Variants in ANK2 observed in about 807,000 individuals in gnomAD.
The protein encoded by ANK2 is ankyrin 2, also known as ankyrin-2.
In ANK2, 83 loss-of-function variants were observed where a neutral mutation model predicts 360.5. The observed-to-expected ratio is 0.23, with a 90% CI of 0.19 to 0.28. The LOEUF is 0.28. Ranked by LOEUF, ANK2 falls within the 10% of genes least tolerant of loss-of-function variation. The pLI is 1.00. For synonymous variants in ANK2, 1,740 were observed against 1,759.5 expected, an observed-to-expected ratio of 0.99 and a Z score of 0.28; for missense variants, 4,201 against 4,795.7, an observed-to-expected ratio of 0.88 and a Z score of 3.66.
At chr4:112,964,543 GTA>G (rs1436789324) in intron 2 of ANK2, among the ~76,000 whole-genome samples, 1 of 149,054 alleles carries the variant, frequency 6.7e-6, no homozygotes, top group Non-Finnish European at 1.5e-5. Context: ...ACTCCTTTTT[GTA>G]TATGTACCAC....
At chr4:112,816,964 T>C (rs1365604869), upstream of ANK2, among the ~76,000 whole-genome samples, 1 of 152,184 alleles carries the variant, frequency 6.6e-6, no homozygotes, top group Non-Finnish European at 1.5e-5. Context: ...TGAGCCAAGA[T>C]TGTGCCACTG....
At chr4:112,755,803 CTT>C in the ANK2 span, 26 of 156,126 alleles carry the variant, frequency 1.7e-4, no homozygotes, top group East Asian at 5.1e-4. Context: ...TAAATGTTTT[CTT>C]TTTTTTTTTC....
At chr4:113,124,014 A>G (rs888654479) in intron 1 of ANK2, among the ~76,000 whole-genome samples, 3 of 152,192 alleles carry the variant, frequency 2.0e-5, no homozygotes, top group Non-Finnish European at 4.4e-5. Context: ...GCAAGACTTC[A>G]TGATCTGCAG....
intron 2 of ANK2, among the ~76,000 whole-genome samples, chr4:113,044,106 T>A (rs2063657614): frequency 6.6e-6 from 1 of 152,176 alleles, no homozygotes; most frequent in Non-Finnish European, 1.5e-5. Flanking sequence ...AATATAACTA[T>A]GTATTCCCTT....
At chr4:112,990,055 G>A (rs1268826516) in intron 2 of ANK2, among the ~76,000 whole-genome samples, 2 of 152,120 alleles carry the variant, frequency 1.3e-5, no homozygotes, top group Admixed American at 1.3e-4. Flanking sequence ...AAGATTGATT[G>A]AGGCCAGGAG....
At chr4:113,370,654 G>A (rs147883332) in intron 43 of ANK2, among the ~76,000 whole-genome samples, 62 of 152,236 alleles carry the variant, frequency 4.1e-4, no homozygotes, top group South Asian at 2.9e-3. Context: ...CAGCTACTCC[G>A]GAGGCTGAGG....
the ANK2 span, among the ~76,000 whole-genome samples, chr4:112,770,328 G>C: frequency 1.3e-5 from 2 of 152,210 alleles, no homozygotes; most frequent in Non-Finnish European, 2.9e-5. Context: ...AATGTGGACA[G>C]GCGTGAGCCA....
chr4:112,951,043 C>A lies in ANK2; in HGVS notation c.21+46529C>A, dbSNP rs2094937374. ...CTTGCAGTGAGCCGAGATCCCGCCA[C>A]TGCACTCCAGCCTGGGCGACAGAGC... On this transcript the variant is annotated intron_variant, in intron 2 of 30. Transcript: ENST00000503271. Among the ~76,000 whole-genome samples the A allele has an allele frequency of 4.5e-5, 6 of 132,544 alleles. No individual in the cohort carries two copies. The South Asian group carries it at 1.5e-3, about 33-fold the overall frequency. 87.0% of individuals were successfully genotyped at this position (132,544 alleles called of 152,430 possible). A position where few individuals can be genotyped will look rare whatever the true frequency, so the allele number is the denominator to read the frequency against.
chr4:113,041,001 GA>G (rs2062813852), intron 2 of ANK2, among the ~76,000 whole-genome samples: 1 of 151,902 alleles, frequency 6.6e-6, no homozygotes, highest in Non-Finnish European at 1.5e-5. Context: ...TTCCTCCTAG[GA>G]CTTGTGAATA....
chr4:113,157,918 A>T (rs1189766343), intron 1 of ANK2, among the ~76,000 whole-genome samples: 2 of 152,230 alleles, frequency 1.3e-5, no homozygotes, highest in African/African-American at 4.8e-5. Flanking sequence ...ATTAAATAAG[A>T]TTATAAATGT....
chr4:113,318,546 G>T lies in ANK2; in HGVS notation c.2826G>T (p.Arg942Ser), dbSNP rs771898745. 4 of 1,613,828 alleles carry T rather than the reference G, an allele frequency of 2.5e-6. No homozygotes were observed. In the African/African-American group the frequency reaches 5.3e-5, roughly 21 times the overall value. ...CAACTCTAGCCAAGGAGGCAGAAAG[G>T]AATTCTTATCGCCTAAGCTGGGGCA... ...QVSTLAKEAE[R>S]NSYRLSWGTE... Residue 942 changes from arginine to serine, a missense_variant, in exon 26 of 46, where the codon AGG becomes AGT. Arg to Ser is a moderately radical substitution (Grantham distance 110). Coordinates refer to ENST00000357077, the MANE Select transcript of ANK2 (RefSeq NM_001148.6).
intron 1 of ANK2, among the ~76,000 whole-genome samples, chr4:113,103,490 G>A (rs1389495818): frequency 2.0e-5 from 3 of 152,130 alleles, no homozygotes; most frequent in Non-Finnish European, 4.4e-5. Context: ...GGAAAAGAAT[G>A]TCAGTGATGT....
At chr4:113,155,824 A>G (rs1384978368) in intron 1 of ANK2, among the ~76,000 whole-genome samples, 1 of 152,232 alleles carries the variant, frequency 6.6e-6, no homozygotes, top group Non-Finnish European at 1.5e-5. Flanking sequence ...AGACAAATCA[A>G]AGAACAAATG....
chr4:112,909,107 T>G (rs2086236842), intron 2 of ANK2, among the ~76,000 whole-genome samples: 1 of 152,224 alleles, frequency 6.6e-6, no homozygotes, highest in African/African-American at 2.4e-5. Flanking sequence ...TAGAATACCT[T>G]GCATTAACGT....
chr4:113,136,062 A>C (rs889286124), intron 1 of ANK2, among the ~76,000 whole-genome samples: 1 of 152,214 alleles, frequency 6.6e-6, no homozygotes, highest in African/African-American at 2.4e-5. Flanking sequence ...ATGTTTGCAT[A>C]AACCACTCAT....
At chr4:112,787,694 C>T in the ANK2 span, among the ~76,000 whole-genome samples, 1 of 152,110 alleles carries the variant, frequency 6.6e-6, no homozygotes, top group African/African-American at 2.4e-5. Flanking sequence ...GCCACTTCTG[C>T]GTAAAGAATG....
intron 2 of ANK2, among the ~76,000 whole-genome samples, chr4:112,920,136 T>C (rs1392015416): frequency 6.6e-6 from 1 of 152,194 alleles, no homozygotes; most frequent in Non-Finnish European, 1.5e-5. Flanking sequence ...GTCTCTTGCC[T>C]CTAAGCCCAG....
intron 2 of ANK2, among the ~76,000 whole-genome samples, chr4:113,176,577 A>G (rs962212316): frequency 1.3e-5 from 2 of 152,058 alleles, no homozygotes; most frequent in African/African-American, 4.8e-5. Context: ...TATTCTATAA[A>G]ATACTTATGA....
intron 1 of ANK2, among the ~76,000 whole-genome samples, chr4:113,171,966 A>G (rs980505196): frequency 2.0e-5 from 3 of 152,116 alleles, no homozygotes; most frequent in African/African-American, 7.2e-5. Flanking sequence ...TTCTGGCTCC[A>G]CCTGTTCACA....
Sources: gnomAD v4.1 joint callset for allele counts (sites outside exome capture counted in the v4.1 genomes callset) on GRCh38, gnomAD v4.1.1 for gene constraint, MANE v1.5 for transcripts, NCBI Gene and HGNC (gene_info 2026-07-23, HGNC 2026-07-21) for gene names.